The following QTGAL variants were observed in gnomAD, a reference collection of about 807,000 sequenced individuals.
The protein encoded by QTGAL is BGnT-like protein 1.
the QTGAL span, among the ~76,000 whole-genome samples, chr17:83,050,901 GAGC>G: frequency 1.1e-4 from 16 of 152,072 alleles, no homozygotes; most frequent in African/African-American, 3.6e-4. Flanking sequence ...GCAGGACGCA[GAGC>G]AGGTGTGTGA....
At chr17:83,007,927 T>C in the QTGAL span, among the ~76,000 whole-genome samples, 1 of 152,234 alleles carries the variant, frequency 6.6e-6, no homozygotes, top group Non-Finnish European at 1.5e-5. Context: ...GCAAGCTCTC[T>C]CCCGTGCAAC....
At chr17:83,001,904 G>T in the QTGAL span, among the ~76,000 whole-genome samples, 1 of 152,012 alleles carries the variant, frequency 6.6e-6, no homozygotes, top group Admixed American at 6.6e-5. Context: ...CGAGAAACTG[G>T]GACTAAAGGT....
At chr17:82,963,914 G>A in the QTGAL span, among the ~76,000 whole-genome samples, 1 of 151,724 alleles carries the variant, frequency 6.6e-6, no homozygotes, top group African/African-American at 2.4e-5. Context: ...CCTCAATAAA[G>A]CTTTTATATA....
At chr17:82,959,021 G>GGT in the QTGAL span, among the ~76,000 whole-genome samples, 5 of 16,136 alleles carry the variant, frequency 3.1e-4, 1 homozygote, top group African/African-American at 2.1e-3. Flanking sequence ...GGGGGTGTAT[G>GGT]GTGTGTGTGT....
chr17:82,956,143 T>A, the QTGAL span, among the ~76,000 whole-genome samples: 125 of 151,914 alleles, frequency 8.2e-4, no homozygotes, highest in African/African-American at 3.0e-3. The surrounding 1 kb of genome is among the most constrained non-coding windows in gnomAD (Gnocchi z 5.7). Context: ...TCAGCACATG[T>A]ATCCCAGAAC....
At chr17:82,989,108 C>T in the QTGAL span, among the ~76,000 whole-genome samples, 1 of 152,066 alleles carries the variant, frequency 6.6e-6, no homozygotes, top group Non-Finnish European at 1.5e-5. Flanking sequence ...ACCCAAATGC[C>T]CATCAATGAT....
the QTGAL span, chr17:82,944,495 T>C: frequency 6.6e-6 from 1 of 152,078 alleles, no homozygotes; most frequent in Non-Finnish European, 1.5e-5. Flanking sequence ...AAAGATAAAG[T>C]GGGCAATGGA....
chr17:82,958,599 T>TGGGATGGGG, the QTGAL span, among the ~76,000 whole-genome samples: 2 of 152,006 alleles, frequency 1.3e-5, no homozygotes, highest in Non-Finnish European at 2.9e-5. Flanking sequence ...CCACAGGCAA[T>TGGGATGGGG]GGGATGGGGG....
the QTGAL span, chr17:82,946,039 C>G: frequency 6.6e-6 from 1 of 152,094 alleles, no homozygotes; most frequent in Non-Finnish European, 1.5e-5. Context: ...TCTATGTTCT[C>G]CTGGAACAGA....
At chr17:82,967,763 CAAATAAT>C in the QTGAL span, among the ~76,000 whole-genome samples, 2 of 112,038 alleles carry the variant, frequency 1.8e-5, no homozygotes, top group Non-Finnish European at 3.9e-5. Flanking sequence ...GGCAACTCTA[CAAATAAT>C]AATAATAATA....
At chr17:82,996,584 G>C in the QTGAL span, among the ~76,000 whole-genome samples, 3 of 150,242 alleles carry the variant, frequency 2.0e-5, no homozygotes, top group Admixed American at 6.6e-5. Flanking sequence ...AGAAGAACCA[G>C]AATAGCCCCA....
At chr17:83,007,115 T>C in the QTGAL span, 2 of 725,004 alleles carry the variant, frequency 2.8e-6, no homozygotes, top group Admixed American at 1.3e-4. Context: ...GAAATGTCTT[T>C]TCATGTATTT....
chr17:82,957,138 C>G, the QTGAL span: 3 of 1,611,080 alleles, frequency 1.9e-6, no homozygotes, highest in South Asian at 3.3e-5. Context: ...AGCCCCGGAG[C>G]AGGTGGTTGA....
the QTGAL span, among the ~76,000 whole-genome samples, chr17:83,019,957 C>T: frequency 6.6e-6 from 1 of 152,152 alleles, no homozygotes; most frequent in Admixed American, 6.5e-5. Context: ...TGGTCTCAAA[C>T]TCCTGACCTT....
chr17:82,957,516 T>C, the QTGAL span: 1 of 1,586,706 alleles, frequency 6.3e-7, no homozygotes, highest in Non-Finnish European at 8.6e-7. Flanking sequence ...AAGAGGGTGA[T>C]AGGCAGGCCG....
chr17:82,960,086 A>C, the QTGAL span, among the ~76,000 whole-genome samples: 1,558 of 152,310 alleles, frequency 0.01, 26 homozygotes, highest in African/African-American at 0.035. Flanking sequence ...CCGCATGAGG[A>C]GGCGGCCAAG....
the QTGAL span, among the ~76,000 whole-genome samples, chr17:82,957,967 C>T: frequency 6.6e-6 from 1 of 152,168 alleles, no homozygotes; most frequent in Non-Finnish European, 1.5e-5. Context: ...TCTGCTGTGA[C>T]AAGTCGACCC....
At chr17:82,977,564 C>T in the QTGAL span, among the ~76,000 whole-genome samples, 2 of 152,190 alleles carry the variant, frequency 1.3e-5, no homozygotes, top group Non-Finnish European at 2.9e-5. Context: ...GCGAGCAACG[C>T]CCCAATCCTC....
chr17:82,951,070 C>T, the QTGAL span, among the ~76,000 whole-genome samples: 1 of 152,220 alleles, frequency 6.6e-6, no homozygotes, highest in South Asian at 2.1e-4. Context: ...TAAACTTGCA[C>T]ATGCTTAGCG....
Sources: allele counts gnomAD v4.1 joint callset (sites outside exome capture counted in the v4.1 genomes callset), GRCh38; gene constraint gnomAD v4.1.1; non-coding constraint Gnocchi (gnomAD v3.1); transcripts MANE v1.5; gene names NCBI Gene and HGNC (gene_info 2026-07-23, HGNC 2026-07-21).